Variants in DDX21 observed in about 807,000 individuals in gnomAD.
DDX21 encodes DExD-box helicase 21.
A neutral mutation model predicts 90.0 loss-of-function variants in DDX21; 18 were observed. The ratio of observed to expected loss-of-function variants is 0.20; its 90% CI spans 0.14 to 0.30. The LOEUF (loss-of-function observed/expected upper bound fraction) is 0.30. DDX21 is among the 10% of genes least tolerant of loss of function. DDX21 has a pLI of 1.00. For missense variants in DDX21, 673 were observed against 944.5 expected, an observed-to-expected ratio of 0.71 and a Z score of 3.77; for synonymous variants, 294 against 318.0, an observed-to-expected ratio of 0.92 and a Z score of 0.80.
intron 7 of DDX21, 86 bp from the exon 8 acceptor site, chr10:68,970,115 A>T: frequency 7.9e-7 from 1 of 1,264,872 alleles, no homozygotes; most frequent in Non-Finnish European, 1.1e-6. Flanking sequence ...TTAGAACATT[A>T]GTGTTGTGCT....
At position 68,977,682 on chromosome 10, in the gene DDX21, A is replaced by T. The variant is rs1473726973; in HGVS notation, c.1896A>T (p.Ser632=). Residue 632 remains serine (S), a synonymous_variant, in exon 12 of 15, where the codon TCA becomes TCT. Coordinates refer to ENST00000354185, the MANE Select transcript of DDX21 (RefSeq NM_004728.4). ...TSVDQRSLIN[S]NVGFVTMILQ... The stretch of plus-strand genomic sequence containing the variant: ...TAGACCAGCGCTCCTTGATCAACTC[A>T]AATGTGGTAAGGTTCTGCAGCACAT... The T allele has an allele frequency of 6.2e-7, 1 of 1,610,636 alleles. No individual in the cohort carries two copies. Among genetic ancestry groups the T allele is most frequent in the Non-Finnish European group, 8.5e-7 (1 of 1,177,894 alleles).
chr10:68,982,923 T>C lies in DDX21; in HGVS notation c.*111T>C. On this transcript the variant is annotated 3_prime_UTR_variant, in exon 15 of 15. Transcript: ENST00000354185. ...CACATTGTGCCTCCTTTTGACCACT[T>C]GCCAAGTCCCTGTCTCTTTCAGACA... 8 of 1,357,820 alleles carry C rather than the reference T, an allele frequency of 5.9e-6. No homozygotes were observed. The highest frequency in any genetic ancestry group is 7.0e-6 in the Non-Finnish European group (7 of 1,001,170). The allele number at this position is 1,357,820 out of a possible 1,614,324, so 84.1% of individuals were successfully genotyped here.
intron 2 of DDX21, among the ~76,000 whole-genome samples, 181 bp downstream of exon 2, chr10:68,960,430 A>C (rs143777073): frequency 6.6e-6 from 1 of 152,282 alleles, no homozygotes; most frequent in Non-Finnish European, 1.5e-5. Context: ...ACGACAGGGC[A>C]TGGTGGCTCA....
At chr10:68,970,497 T>G in intron 8 of DDX21, 147 bp downstream of exon 8, 1 of 879,044 alleles carries the variant, frequency 1.1e-6, no homozygotes, top group Non-Finnish European at 1.7e-6. Context: ...TTTTTTTTTT[T>G]TTTTTTAATT....
intron 8 of DDX21, 47 bp downstream of exon 8, chr10:68,970,397 C>T: frequency 6.4e-7 from 1 of 1,572,588 alleles, no homozygotes. Context: ...ATCAACAAAT[C>T]TTCACCTTGG....
intron 13 of DDX21, among the ~76,000 whole-genome samples, 179 bp downstream of exon 13, chr10:68,979,155 A>G (rs559901953): frequency 1.5e-4 from 23 of 152,236 alleles, no homozygotes; most frequent in African/African-American, 5.3e-4. Flanking sequence ...CTGTACCTCT[A>G]TCTCCAGCCT....
At chr10:68,976,745 A>G (rs1041476687) in intron 11 of DDX21, among the ~76,000 whole-genome samples, 2 of 152,178 alleles carry the variant, frequency 1.3e-5, no homozygotes, top group African/African-American at 4.8e-5. Context: ...GGTATACAAC[A>G]AACAGCCTCC....
chr10:68,969,578 C>T (rs1429461508), intron 7 of DDX21, among the ~76,000 whole-genome samples: 5 of 152,060 alleles, frequency 3.3e-5, no homozygotes, highest in South Asian at 2.1e-4. Context: ...ACGCCCGGCC[C>T]GATATCTGTG....
intron 4 of DDX21, 106 bp downstream of exon 4, chr10:68,963,575 T>C: frequency 1.0e-6 from 1 of 972,734 alleles, no homozygotes. Context: ...TAGTCACCCA[T>C]TCTATTTACT....
intron 7 of DDX21, 109 bp downstream of exon 7, chr10:68,969,230 G>T: frequency 1.8e-6 from 2 of 1,096,832 alleles, no homozygotes; most frequent in South Asian, 3.0e-5. Flanking sequence ...CTAAATCCAT[G>T]TGAAAAGCCA....
intron 4 of DDX21, 32 bp downstream of exon 4, chr10:68,963,501 A>G: frequency 6.4e-7 from 1 of 1,567,294 alleles, no homozygotes; most frequent in African/African-American, 1.4e-5. Flanking sequence ...GCTCTCAGTC[A>G]GCATAGGAAA....
At position 68,960,330 on chromosome 10, in the gene DDX21, T is replaced by C. The variant is rs1842857106; in HGVS notation, c.531+81T>C. ...AAGTAGGTAACTGCTATATGTACTCTTTAATAGTAGGAGAAAATGTGATGT... is the reference window on the plus strand; with the variant it reads ...AAGTAGGTAACTGCTATATGTACTCCTTAATAGTAGGAGAAAATGTGATGT... On this transcript the variant is annotated intron_variant, in intron 2 of 14. Transcript: ENST00000354185. 9 of 1,372,814 alleles carry C rather than the reference T, an allele frequency of 6.6e-6. No individual in the cohort carries two copies. The South Asian group carries it at 1.4e-4, about 22-fold the overall frequency. The allele number at this position is 1,372,814 out of a possible 1,614,324, so 85.0% of individuals were successfully genotyped here.
rs1259985086 is a variant in DDX21 at position 68,973,795 on chromosome 10, G to A, written c.1668+131G>A. Reference sequence around the variant, plus strand: ...GCAATGACTGAAAGCTTATTGTTAGGTACATATGTTGTCCTGTGATAAAAG... The same window carrying A: ...GCAATGACTGAAAGCTTATTGTTAGATACATATGTTGTCCTGTGATAAAAG... On this transcript the variant is annotated intron_variant, in intron 10 of 14. Transcript: ENST00000354185. 7 of 1,215,442 alleles carry A rather than the reference G, an allele frequency of 5.8e-6. No homozygotes were observed. In the African/African-American group the frequency reaches 9.3e-5, roughly 16 times the overall value. 75.3% of individuals were successfully genotyped at this position (1,215,442 alleles called of 1,614,324 possible). A position where few individuals can be genotyped will look rare whatever the true frequency, so the allele number is the denominator to read the frequency against.
At chr10:68,981,278 AATAGCTAAGACTCTGTCT>A (rs1247045222) in intron 13 of DDX21, among the ~76,000 whole-genome samples, 1 of 152,232 alleles carries the variant, frequency 6.6e-6, no homozygotes, top group African/African-American at 2.4e-5. Context: ...AGCACAGTGT[AATAGCTAAGACTCTGTCT>A]ATAGTTAGAA....
At chr10:68,981,487 A>G (rs763646408) in intron 13 of DDX21, 50 bp from the exon 14 acceptor site, 2 of 1,547,318 alleles carry the variant, frequency 1.3e-6, no homozygotes, top group South Asian at 1.1e-5. Context: ...TAAAGGGAGT[A>G]TTTTTCATGT....
chr10:68,979,333 C>T (rs1217760910), intron 13 of DDX21, among the ~76,000 whole-genome samples: 1 of 152,072 alleles, frequency 6.6e-6, no homozygotes, highest in South Asian at 2.1e-4. Flanking sequence ...AAAAATTTGC[C>T]TCCCAAACCT....
chr10:68,967,360 G>T (rs1215174482), intron 6 of DDX21, among the ~76,000 whole-genome samples, 157 bp downstream of exon 6: 1 of 151,864 alleles, frequency 6.6e-6, no homozygotes, highest in Non-Finnish European at 1.5e-5. Context: ...GTAGAGATGG[G>T]GTTTTGCCAT....
At chr10:68,967,368 C>A (rs1842953252) in intron 6 of DDX21, among the ~76,000 whole-genome samples, 165 bp downstream of exon 6, 2 of 151,912 alleles carry the variant, frequency 1.3e-5, no homozygotes, top group Admixed American at 1.3e-4. Context: ...GGGGTTTTGC[C>A]ATATTGCCCA....
Position 68,984,535 on chromosome 10 carries a change from G to A in DDX21, c.*1723G>A, listed in dbSNP as rs1843240453. The stretch of plus-strand genomic sequence containing the variant: ...ATCAAGCCATGGGTATTAGGTGACA[G>A]TGTAATTTATTAGATTCTGGTTTTG... On this transcript the variant is annotated 3_prime_UTR_variant, in exon 15 of 15. Coordinates refer to ENST00000354185, the MANE Select transcript of DDX21 (RefSeq NM_004728.4). The A allele has an allele frequency of 6.6e-6, 1 of 152,176 alleles. No individual in the cohort carries two copies. The highest frequency in any genetic ancestry group is 2.4e-5 in the African/African-American group (1 of 41,448). 9.4% of individuals were successfully genotyped at this position (152,176 alleles called of 1,614,324 possible). A position where few individuals can be genotyped will look rare whatever the true frequency, so the allele number is the denominator to read the frequency against.
Sources: gnomAD v4.1 joint callset for allele counts (sites outside exome capture counted in the v4.1 genomes callset) on GRCh38, gnomAD v4.1.1 for gene constraint, MANE v1.5 for transcripts, NCBI Gene and HGNC (gene_info 2026-07-23, HGNC 2026-07-21) for gene names.